Variants in KDM4C observed in about 807,000 individuals in gnomAD.
The protein encoded by KDM4C is lysine demethylase 4C.
In KDM4C, 81 loss-of-function variants were observed where a neutral mutation model predicts 129.3. That is an observed-to-expected ratio of 0.63 (90% CI 0.52 to 0.75). The LOEUF (loss-of-function observed/expected upper bound fraction) is 0.75. Ranked by LOEUF, KDM4C falls within the 30% of genes least tolerant of loss-of-function variation. The probability of loss-of-function intolerance (pLI) is 0.00; values close to 1 mark genes in which losing one functional copy is unlikely to be tolerated. For synonymous variants in KDM4C, 573 were observed against 456.1 expected (o/e 1.26, Z -3.26); for missense variants, 1,457 against 1,304.0 (o/e 1.12, Z -1.81).
chr9:6,859,186 C>G (rs1449399724), intron 5 of KDM4C, among the ~76,000 whole-genome samples: 1 of 152,114 alleles, frequency 6.6e-6, no homozygotes, highest in Non-Finnish European at 1.5e-5. Flanking sequence ...TGTTAGAAAT[C>G]ATCTCTGGTG....
intron 8 of KDM4C, among the ~76,000 whole-genome samples, chr9:6,968,488 G>A (rs959453613): frequency 4.6e-5 from 7 of 152,166 alleles, no homozygotes; most frequent in East Asian, 3.8e-4. Flanking sequence ...GAGAGAGGAC[G>A]TCTGCTCTCT....
chr9:6,778,506 C>G (rs1295572340), intron 1 of KDM4C, among the ~76,000 whole-genome samples: 1 of 151,644 alleles, frequency 6.6e-6, no homozygotes, highest in East Asian at 2.0e-4. Context: ...GTAGCTCACG[C>G]CTGTAATCCC....
chr9:7,037,547 G>C (rs1246764254), intron 15 of KDM4C, among the ~76,000 whole-genome samples: 1 of 152,018 alleles, frequency 6.6e-6, no homozygotes, highest in African/African-American at 2.4e-5. Flanking sequence ...GTTATGAATT[G>C]CTATGCTAAC....
chr9:6,942,434 T>C (rs57970556), intron 8 of KDM4C: 1 of 144,376 alleles, frequency 6.9e-6, no homozygotes, highest in East Asian at 2.1e-4. Flanking sequence ...TTTTTTTTTT[T>C]AATTTTGTGT....
chr9:6,845,218 T>G (rs1278904946), intron 4 of KDM4C, among the ~76,000 whole-genome samples: 1 of 152,108 alleles, frequency 6.6e-6, no homozygotes, highest in Non-Finnish European at 1.5e-5. Context: ...AATGCATTGA[T>G]TGATTGACTG....
intron 8 of KDM4C, among the ~76,000 whole-genome samples, chr9:6,964,148 G>C (rs889820446): frequency 3.9e-5 from 6 of 152,080 alleles, no homozygotes; most frequent in Non-Finnish European, 8.8e-5. Context: ...GTGCAGGTTT[G>C]TTACACATGT....
intron 20 of KDM4C, among the ~76,000 whole-genome samples, chr9:7,169,317 T>C (rs1191893995): frequency 1.3e-5 from 2 of 152,094 alleles, no homozygotes; most frequent in Non-Finnish European, 2.9e-5. Flanking sequence ...TTTTGAAATG[T>C]ATTTTGTATT....
At chr9:6,858,923 T>TC (rs530818356) in intron 5 of KDM4C, among the ~76,000 whole-genome samples, 339 of 152,308 alleles carry the variant, frequency 2.2e-3, no homozygotes, top group African/African-American at 8.0e-3. Context: ...GCATGCAATT[T>TC]AATATTTGTT....
intron 12 of KDM4C, among the ~76,000 whole-genome samples, chr9:7,004,606 A>G (rs1019444096): frequency 6.6e-6 from 1 of 152,232 alleles, no homozygotes; most frequent in African/African-American, 2.4e-5. Flanking sequence ...GCATATTTTA[A>G]AAAAGATTCT....
At chr9:7,174,368 T>C (rs1330763526) in intron 21 of KDM4C, among the ~76,000 whole-genome samples, 185 bp from the exon 22 acceptor site, 1 of 152,128 alleles carries the variant, frequency 6.6e-6, no homozygotes, top group Non-Finnish European at 1.5e-5. Context: ...TAGGGCTAAA[T>C]GGAGCCCCCC....
intron 19 of KDM4C, among the ~76,000 whole-genome samples, chr9:7,153,351 C>T (rs1842884905): frequency 6.6e-6 from 1 of 152,186 alleles, no homozygotes; most frequent in Admixed American, 6.5e-5. Context: ...GAGTAGCCCC[C>T]TTGAGAGGCC....
chr9:6,960,006 T>G (rs1019625263), intron 8 of KDM4C, among the ~76,000 whole-genome samples: 3 of 152,004 alleles, frequency 2.0e-5, no homozygotes, highest in African/African-American at 4.8e-5. Context: ...CAGTGAATGC[T>G]TGTAGATACA....
At chr9:6,851,903 G>A (rs1373986127) in intron 5 of KDM4C, among the ~76,000 whole-genome samples, 1 of 152,124 alleles carries the variant, frequency 6.6e-6, no homozygotes, top group Non-Finnish European at 1.5e-5. Flanking sequence ...CTTGCAGCTT[G>A]TATATGTGCA....
At chr9:6,777,508 T>G (rs962461677) in intron 1 of KDM4C, among the ~76,000 whole-genome samples, 1 of 152,268 alleles carries the variant, frequency 6.6e-6, no homozygotes, top group African/African-American at 2.4e-5. Flanking sequence ...TTATCTTTTC[T>G]GTAGTGAGTG....
At position 6,789,218 on chromosome 9, in the gene KDM4C, A is replaced by ATTT. The variant is rs71308871; in HGVS notation, c.-17-3737_-17-3735dup. On this transcript the variant is annotated intron_variant, in intron 1 of 21. Coordinates refer to ENST00000381309, the MANE Select transcript of KDM4C (RefSeq NM_015061.6). ...AGGCGCTCACCATCACGCCTGGCTA[A>ATTT]TTTTTTTTTTTTTTTTTTTGAGATG... 5.2e-3 allele frequency among the ~76,000 whole-genome samples: 607 copies of ATTT among 117,244 alleles called. 20 individuals are homozygous for ATTT. Among genetic ancestry groups the ATTT allele is most frequent in the South Asian group, 0.015 (51 of 3,346 alleles). The allele number at this position is 117,244 out of a possible 152,430, so 76.9% of individuals were successfully genotyped here. A position where few individuals can be genotyped will look rare whatever the true frequency, so the allele number is the denominator to read the frequency against.
At chr9:6,966,968 C>T (rs1170842073) in intron 8 of KDM4C, among the ~76,000 whole-genome samples, 1 of 152,122 alleles carries the variant, frequency 6.6e-6, no homozygotes, top group Non-Finnish European at 1.5e-5. Context: ...AACTGCTGCT[C>T]ACCAAATATA....
chr9:6,860,892 C>T (rs1340329196), intron 5 of KDM4C, among the ~76,000 whole-genome samples: 1 of 152,050 alleles, frequency 6.6e-6, no homozygotes, highest in Non-Finnish European at 1.5e-5. Flanking sequence ...GATTAACTTA[C>T]CCCAACTAAC....
upstream of KDM4C, among the ~76,000 whole-genome samples, chr9:6,755,841 C>T (rs1396904838): frequency 1.3e-5 from 2 of 152,198 alleles, no homozygotes; most frequent in African/African-American, 4.8e-5. Flanking sequence ...CTAGTAGGCT[C>T]TCTTCACTTT....
intron 11 of KDM4C, 128 bp from the exon 12 acceptor site, chr9:6,990,288 C>T: frequency 1.5e-6 from 1 of 680,744 alleles, no homozygotes; most frequent in African/African-American, 1.8e-5. Flanking sequence ...GACTAGTTCC[C>T]CAAGAGGTAA....
Sources: allele counts gnomAD v4.1 joint callset (sites outside exome capture counted in the v4.1 genomes callset), GRCh38; gene constraint gnomAD v4.1.1; transcripts MANE v1.5; gene names NCBI Gene and HGNC (gene_info 2026-07-23, HGNC 2026-07-21).